PLPPR5: variants seen among roughly 807,000 people sequenced by gnomAD.
PLPPR5 encodes phospholipid phosphatase related 5.
PLPPR5 carries 16 observed loss-of-function variants against 33.9 expected under a neutral mutation model. That is an observed-to-expected ratio of 0.47 (90% CI 0.32 to 0.72). PLPPR5 has a LOEUF of 0.72. Ranked by LOEUF, PLPPR5 falls within the 30% of genes least tolerant of loss-of-function variation. The pLI is 0.03. For missense variants in PLPPR5, 301 were observed against 406.7 expected, an observed-to-expected ratio of 0.74 and a Z score of 2.23; for synonymous variants, 163 against 150.3, an observed-to-expected ratio of 1.08 and a Z score of -0.62.
intron 3 of PLPPR5, among the ~76,000 whole-genome samples, chr1:98,937,310 T>C (rs550569767): frequency 6.6e-6 from 1 of 152,350 alleles, no homozygotes; most frequent in East Asian, 1.9e-4. Flanking sequence ...CAAAGATGGC[T>C]ATAACAGTCT....
At chr1:98,968,291 T>C (rs999605130) in intron 1 of PLPPR5, among the ~76,000 whole-genome samples, 1 of 152,142 alleles carries the variant, frequency 6.6e-6, no homozygotes, top group Non-Finnish European at 1.5e-5. Context: ...ACTGTTATAA[T>C]GTACCTATCA....
chr1:98,992,146 A>T (rs1652473797), intron 1 of PLPPR5, among the ~76,000 whole-genome samples: 1 of 152,174 alleles, frequency 6.6e-6, no homozygotes, highest in South Asian at 2.1e-4. Flanking sequence ...AAATTAAAGG[A>T]TGGAAAGTGT....
In PLPPR5 at chr1:98,956,670, A is replaced by C. The variant is rs750287639; in HGVS notation, c.309T>G (p.Thr103=). 6.2e-7 allele frequency: 1 copy of C among 1,602,374 alleles called. No individual in the cohort carries two copies. Among genetic ancestry groups the C allele is most frequent in the South Asian group, 1.1e-5 (1 of 88,294 alleles). The change falls in exon 2 of 6, where the codon ACT becomes ACG. Residue 103 remains threonine, a synonymous_variant. Coordinates refer to ENST00000263177, the MANE Select transcript of PLPPR5 (RefSeq NM_001037317.2). ...TATAGCAACAGTCTCCAGTTAAAAT[A>C]GTTTTTTCCTGGTTTTCAAAATCCC... ...ATRDFENQEK[T]ILTGDCCYIN... is the part of the protein sequence containing the mutation.
chr1:98,963,650 A>C (rs1570738157), intron 1 of PLPPR5, among the ~76,000 whole-genome samples: 1 of 152,156 alleles, frequency 6.6e-6, no homozygotes, highest in African/African-American at 2.4e-5. Flanking sequence ...CCTCTCCTCC[A>C]GCTTTTCCAA....
chr1:99,001,830 C>G (rs913205429), intron 1 of PLPPR5, among the ~76,000 whole-genome samples: 1 of 151,252 alleles, frequency 6.6e-6, no homozygotes. Flanking sequence ...GAGAGTATGA[C>G]AGAGTAGGGG....
At chr1:98,988,419 C>T (rs72732418) in intron 1 of PLPPR5, among the ~76,000 whole-genome samples, 13,810 of 151,978 alleles carry the variant, frequency 0.091, 711 homozygotes, top group Non-Finnish European at 0.11. Flanking sequence ...TATACTATAC[C>T]TGTTATTAGG....
chr1:98,998,963 C>A (rs900145462), intron 1 of PLPPR5, among the ~76,000 whole-genome samples: 2 of 152,092 alleles, frequency 1.3e-5, no homozygotes, highest in Admixed American at 6.5e-5. Flanking sequence ...AATGCATGAC[C>A]AATTTTAGCT....
intron 1 of PLPPR5, among the ~76,000 whole-genome samples, chr1:98,986,860 G>GT (rs1553172053): frequency 3.3e-5 from 5 of 151,268 alleles, no homozygotes; most frequent in Non-Finnish European, 5.9e-5. Context: ...TGAAATGGGT[G>GT]TTTTTTTTAA....
chr1:99,004,232 G>C (rs888769083), intron 1 of PLPPR5: 258 of 562,648 alleles, frequency 4.6e-4, no homozygotes, highest in Non-Finnish European at 5.5e-4. Context: ...GTGTGGGGGG[G>C]TGACGTGTGG....
chr1:98,931,954 G>A (rs546658626), intron 3 of PLPPR5, among the ~76,000 whole-genome samples: 2 of 152,240 alleles, frequency 1.3e-5, no homozygotes, highest in Admixed American at 1.3e-4. Context: ...GAATATTTAG[G>A]ATGTTAAACT....
chr1:98,914,837 C>A lies in PLPPR5; in HGVS notation c.882G>T (p.Met294Ile). ...IHMDNLAQMP[M>I]ISIPRVESPL... ...GACTTTCTACTCGAGGAATGCTGAT[C>A]ATTGGCATCTGTGCCAGATTATCCA... The change falls in exon 5 of 6, where the codon ATG (methionine) becomes ATT (isoleucine). Residue 294 changes from methionine to isoleucine, a missense_variant. Coordinates refer to ENST00000263177, the MANE Select transcript of PLPPR5 (RefSeq NM_001037317.2). 1 of 1,613,296 alleles carries A rather than the reference C, an allele frequency of 6.2e-7. No individual in the cohort carries two copies. Among genetic ancestry groups the A allele is most frequent in the Non-Finnish European group, 8.5e-7 (1 of 1,179,712 alleles).
chr1:98,959,221 C>T (rs1230920809), intron 1 of PLPPR5, among the ~76,000 whole-genome samples: 1 of 152,156 alleles, frequency 6.6e-6, no homozygotes, highest in Non-Finnish European at 1.5e-5. Flanking sequence ...TTTTTAGTTA[C>T]CAGGGTCTTA....
chr1:98,998,386 A>T (rs923420827), intron 1 of PLPPR5, among the ~76,000 whole-genome samples: 3 of 152,202 alleles, frequency 2.0e-5, no homozygotes, highest in Admixed American at 2.0e-4. Context: ...GAGATGAGAC[A>T]CATGCCTTTA....
At chr1:98,964,654 A>G (rs1387370527) in intron 1 of PLPPR5, among the ~76,000 whole-genome samples, 2 of 152,188 alleles carry the variant, frequency 1.3e-5, no homozygotes, top group African/African-American at 4.8e-5. Context: ...CAAGAGAGGC[A>G]AAGCACCTGT....
intron 3 of PLPPR5, among the ~76,000 whole-genome samples, chr1:98,927,615 G>C (rs1299805255): frequency 6.6e-6 from 1 of 152,218 alleles, no homozygotes; most frequent in African/African-American, 2.4e-5. Flanking sequence ...GGTGTACTAA[G>C]AGAAATTGTT....
chr1:98,933,621 G>T (rs571887870), intron 3 of PLPPR5, among the ~76,000 whole-genome samples: 2 of 152,264 alleles, frequency 1.3e-5, no homozygotes, highest in South Asian at 4.1e-4. Flanking sequence ...ACCAAAGCTG[G>T]TGCTGTAACT....
chr1:98,954,715 T>A (rs1407279292), intron 2 of PLPPR5, among the ~76,000 whole-genome samples: 1 of 152,104 alleles, frequency 6.6e-6, no homozygotes, highest in Non-Finnish European at 1.5e-5. Flanking sequence ...CCAGCATTGT[T>A]TGAATCATAC....
In PLPPR5 at chr1:99,002,046, ATAT is replaced by A. The variant is rs139512026; in HGVS notation, c.237+2386_237+2388del. ...ACTCAACAAATGATGGGTACTGTTAATATTATTATTATTATTTTGATGCCCAAG... is the reference window on the plus strand; with the variant it reads ...ACTCAACAAATGATGGGTACTGTTAATATTATTATTATTTTGATGCCCAAG... On this transcript the variant is annotated intron_variant, in intron 1 of 5. Transcript: ENST00000263177. 3.3e-3 allele frequency among the ~76,000 whole-genome samples: 505 copies of A among 152,024 alleles called. 2 individuals carry two copies. The highest frequency in any genetic ancestry group is 5.2e-3 in the Non-Finnish European group (355 of 67,976).
chr1:98,956,347 A>G (rs1020752985), intron 2 of PLPPR5, among the ~76,000 whole-genome samples: 9 of 152,102 alleles, frequency 5.9e-5, no homozygotes, highest in African/African-American at 2.2e-4. Flanking sequence ...TAAATTTTTT[A>G]ATTTATTTTT....
Sources: allele counts gnomAD v4.1 joint callset (sites outside exome capture counted in the v4.1 genomes callset), GRCh38; gene constraint gnomAD v4.1.1; transcripts MANE v1.5; gene names NCBI Gene and HGNC (gene_info 2026-07-23, HGNC 2026-07-21).